Variants in WWOX observed in about 807,000 individuals in gnomAD.
The protein encoded by WWOX is WW domain-containing oxidoreductase.
Under a neutral mutation model 46.2 loss-of-function variants are expected in WWOX, and 69 were observed. That is an observed-to-expected ratio of 1.49 (90% CI 1.23 to 1.82). The LOEUF is 1.82. Among genes scored for constraint, WWOX ranks in the 40% most tolerant of loss-of-function variants. The pLI, the probability that WWOX is intolerant of heterozygous loss-of-function variation, is 0.00. For missense variants in WWOX, 919 were observed against 542.6 expected (o/e 1.69, Z -6.89); for synonymous variants, 359 against 202.6 (o/e 1.77, Z -6.56).
chr16:78,341,728 G>A lies in WWOX; in HGVS notation c.517-45132G>A, dbSNP rs1308040676. The stretch of plus-strand genomic sequence containing the variant: ...ATCGAGTGTGGAAACCTCCATGGGT[G>A]GCAGGTCAGTGTTGCTGAGGGATGT... On this transcript the variant is annotated intron_variant, in intron 5 of 8. Transcript: ENST00000566780. 1.7e-5 allele frequency among the ~76,000 whole-genome samples: 2 copies of A among 120,372 alleles called. 1 individual carries two copies. Among genetic ancestry groups the A allele is most frequent in the Non-Finnish European group, 4.0e-5 (2 of 50,366 alleles). The allele number at this position is 120,372 out of a possible 152,430, so 79.0% of individuals were successfully genotyped here.
intron 5 of WWOX, among the ~76,000 whole-genome samples, chr16:78,336,995 G>T (rs2080906894): frequency 6.6e-6 from 1 of 152,008 alleles, no homozygotes; most frequent in Admixed American, 6.6e-5. Context: ...TGGCCAGGCT[G>T]GTCTCAAACT....
intron 8 of WWOX, among the ~76,000 whole-genome samples, chr16:78,673,236 T>C (rs2047509432): frequency 6.6e-6 from 1 of 152,170 alleles, no homozygotes; most frequent in African/African-American, 2.4e-5. Flanking sequence ...GAGCATGTAA[T>C]TTCTTCTTGG....
At chr16:78,934,002 G>T (rs1221525249) in intron 8 of WWOX, among the ~76,000 whole-genome samples, 1 of 151,788 alleles carries the variant, frequency 6.6e-6, no homozygotes, top group Admixed American at 6.6e-5. Flanking sequence ...GGCTAGCCGA[G>T]GCAACACATA....
intron 8 of WWOX, among the ~76,000 whole-genome samples, chr16:78,516,656 C>T (rs552682187): frequency 6.6e-6 from 1 of 152,306 alleles, no homozygotes; most frequent in South Asian, 2.1e-4. Flanking sequence ...CCTCTGTACC[C>T]TTCACACGTG....
intron 5 of WWOX, among the ~76,000 whole-genome samples, chr16:78,372,660 C>T (rs539861906): frequency 6.6e-6 from 1 of 152,290 alleles, no homozygotes; most frequent in South Asian, 2.1e-4. Flanking sequence ...CCTGCTGGTG[C>T]ATGGTTGAGG....
intron 8 of WWOX, among the ~76,000 whole-genome samples, chr16:78,702,274 T>G (rs958378757): frequency 6.7e-6 from 1 of 150,182 alleles, no homozygotes; most frequent in Non-Finnish European, 1.5e-5. Flanking sequence ...AGTGAGACTT[T>G]GTCTCAAAAA....
chr16:79,082,667 C>T (rs2048782766), intron 8 of WWOX, among the ~76,000 whole-genome samples: 1 of 152,198 alleles, frequency 6.6e-6, no homozygotes, highest in African/African-American at 2.4e-5. Context: ...CCACAGTCTG[C>T]TCTTTTAGCT....
At chr16:78,741,274 A>T (rs904624660) in intron 8 of WWOX, among the ~76,000 whole-genome samples, 19 of 152,186 alleles carry the variant, frequency 1.2e-4, no homozygotes, top group African/African-American at 4.3e-4. Flanking sequence ...AAATTGCAGG[A>T]TGCTGGTCAG....
chr16:78,941,375 C>T (rs1314654274), intron 8 of WWOX, among the ~76,000 whole-genome samples: 5 of 152,148 alleles, frequency 3.3e-5, no homozygotes, highest in East Asian at 3.9e-4. Flanking sequence ...TTGGAAGCTC[C>T]GTGGCCATTG....
chr16:78,465,557 A>G (rs899620582), intron 8 of WWOX, among the ~76,000 whole-genome samples: 45 of 152,208 alleles, frequency 3.0e-4, no homozygotes, highest in African/African-American at 7.2e-5. Context: ...TCCCTGAATG[A>G]TACCTTTTCA....
intron 8 of WWOX, among the ~76,000 whole-genome samples, chr16:78,595,915 A>G (rs932668215): frequency 7.2e-5 from 11 of 152,246 alleles, no homozygotes; most frequent in African/African-American, 1.2e-4. Context: ...ATATCAATTA[A>G]AAATACAATA....
intron 6 of WWOX, 116 bp downstream of exon 6, chr16:78,387,064 G>A: frequency 1.9e-6 from 2 of 1,045,778 alleles, no homozygotes; most frequent in Admixed American, 1.9e-5. Flanking sequence ...GTCCAAACAG[G>A]AGGCTCATTT....
At chr16:78,437,925 C>T (rs764403204) in intron 8 of WWOX, among the ~76,000 whole-genome samples, 32 of 152,004 alleles carry the variant, frequency 2.1e-4, no homozygotes, top group Non-Finnish European at 4.1e-4. Flanking sequence ...TAAGAACTTT[C>T]GAGTTGGTGA....
intron 5 of WWOX, among the ~76,000 whole-genome samples, chr16:78,181,857 A>G (rs1249105720): frequency 2.0e-5 from 3 of 152,182 alleles, no homozygotes; most frequent in Non-Finnish European, 2.9e-5. Context: ...TTAGATGTAT[A>G]AGTGGATAAA....
At chr16:78,842,050 G>A (rs2052165601) in intron 8 of WWOX, among the ~76,000 whole-genome samples, 1 of 152,154 alleles carries the variant, frequency 6.6e-6, no homozygotes, top group Admixed American at 6.5e-5. Flanking sequence ...CCTTCAAGGG[G>A]ACCAGGAGGA....
intron 8 of WWOX, among the ~76,000 whole-genome samples, chr16:78,608,655 A>G (rs2045823254): frequency 1.3e-5 from 2 of 152,194 alleles, no homozygotes; most frequent in African/African-American, 2.4e-5. Context: ...TCTTCCTGTC[A>G]GTTGGCGTCC....
chr16:78,731,213 A>AT (rs2048961603), intron 8 of WWOX, among the ~76,000 whole-genome samples: 1 of 152,126 alleles, frequency 6.6e-6, no homozygotes, highest in African/African-American at 2.4e-5. Context: ...TGTATTAATT[A>AT]AAGACAGGGC....
chr16:78,828,596 C>G (rs1168776445), intron 8 of WWOX, among the ~76,000 whole-genome samples: 1 of 151,908 alleles, frequency 6.6e-6, no homozygotes, highest in African/African-American at 2.4e-5. Context: ...ATACCAAATT[C>G]TATCGGACAC....
intron 8 of WWOX, among the ~76,000 whole-genome samples, chr16:78,629,754 T>G (rs2046385613): frequency 6.6e-6 from 1 of 152,202 alleles, no homozygotes; most frequent in Admixed American, 6.5e-5. Flanking sequence ...GGATCATCAC[T>G]TTCTCTGGGG....
Sources: gnomAD v4.1 joint callset for allele counts (sites outside exome capture counted in the v4.1 genomes callset) on GRCh38, gnomAD v4.1.1 for gene constraint, MANE v1.5 for transcripts, NCBI Gene and HGNC (gene_info 2026-07-23, HGNC 2026-07-21) for gene names.